The following HIPK2 variants were observed in gnomAD, a reference collection of about 807,000 sequenced individuals.
HIPK2 encodes the protein homeodomain interacting protein kinase 2.
In HIPK2, 27 loss-of-function variants were observed where a neutral mutation model predicts 113.7. The ratio of observed to expected loss-of-function variants is 0.24; its 90% CI spans 0.17 to 0.33. The LOEUF is 0.33. HIPK2 is among the 10% of genes least tolerant of loss of function. The pLI is 1.00. For synonymous variants in HIPK2, 631 were observed against 642.2 expected (o/e 0.98, Z 0.26); for missense variants, 1,257 against 1,588.0 (o/e 0.79, Z 3.54).
chr7:139,689,813 A>G (rs1312405414), intron 2 of HIPK2, among the ~76,000 whole-genome samples: 1 of 152,168 alleles, frequency 6.6e-6, no homozygotes, highest in Non-Finnish European at 1.5e-5. Context: ...TAACTCCAAA[A>G]TGAGAAAAAG....
chr7:139,669,213 A>G (rs1447750464), intron 2 of HIPK2, among the ~76,000 whole-genome samples: 1 of 152,186 alleles, frequency 6.6e-6, no homozygotes. Context: ...ACCACTATCA[A>G]TCCCCTTGGC....
intron 2 of HIPK2, among the ~76,000 whole-genome samples, chr7:139,681,889 G>C (rs1032024976): frequency 1.3e-5 from 2 of 152,178 alleles, no homozygotes; most frequent in African/African-American, 4.8e-5. Context: ...CCTGGTTCTA[G>C]GACAGCATCT....
At position 139,631,146 on chromosome 7, in the gene HIPK2, G is replaced by C. The variant is rs1585301346; in HGVS notation, c.1347+19C>G. ...AAGCGCTGGGCCACTGTGAGGAGTG[G>C]AGGAGACGCTCTTCCTACCTTCAGT... is the stretch of plus-strand genomic sequence containing the variant. On this transcript the variant is annotated intron_variant, in intron 4 of 14. Transcript: ENST00000406875. The surrounding 1 kb of genome is among the most constrained non-coding windows in gnomAD (Gnocchi z 4.9). 2 of 1,601,350 alleles carry C rather than the reference G, an allele frequency of 1.2e-6. No individual in the cohort carries two copies. The highest frequency in any genetic ancestry group is 1.7e-6 in the Non-Finnish European group (2 of 1,173,640).
Position 139,620,394 on chromosome 7 carries a change from C to G in HIPK2, c.1782+7G>C, listed in dbSNP as rs777564699. The G allele has an allele frequency of 3.1e-6, 5 of 1,613,914 alleles. No homozygotes were observed. The highest frequency in any genetic ancestry group is 4.2e-6 in the Non-Finnish European group (5 of 1,179,838). On this transcript the variant is annotated splice_region_variant and intron_variant, in intron 7 of 14. Transcript: ENST00000406875. ...CCGCCTCTCCTTCCCTTCTGTTTCC[C>G]ACTTACCTGGTTGTGGACAGTGGTC... is the stretch of plus-strand genomic sequence containing the variant.
chr7:139,758,212 C>T (rs1316053455), intron 1 of HIPK2, among the ~76,000 whole-genome samples: 1 of 152,026 alleles, frequency 6.6e-6, no homozygotes, highest in African/African-American at 2.4e-5. Context: ...AGGGGAAGAG[C>T]AACGAGGGAG....
chr7:139,707,771 A>C (rs1585402647), intron 2 of HIPK2, among the ~76,000 whole-genome samples: 1 of 152,334 alleles, frequency 6.6e-6, no homozygotes, highest in Non-Finnish European at 1.5e-5. Context: ...ACAGCTCCAA[A>C]CCCAGCTGTG....
At chr7:139,755,223 C>G (rs1796344052) in intron 1 of HIPK2, among the ~76,000 whole-genome samples, 1 of 152,156 alleles carries the variant, frequency 6.6e-6, no homozygotes, top group South Asian at 2.1e-4. Context: ...TGCTCTTTTT[C>G]CCATGGACAC....
chr7:139,586,701 G>A (rs1320509148), intron 12 of HIPK2, among the ~76,000 whole-genome samples: 1 of 151,850 alleles, frequency 6.6e-6, no homozygotes, highest in African/African-American at 2.4e-5. Context: ...TGAGGCTGCA[G>A]TGAGCTATGA....
chr7:139,690,564 G>A (rs1313249349), intron 2 of HIPK2, among the ~76,000 whole-genome samples: 1 of 152,120 alleles, frequency 6.6e-6, no homozygotes, highest in African/African-American at 2.4e-5. Context: ...CCAGCACTTT[G>A]GGGTGGGGGG....
chr7:139,644,493 C>G (rs930425645), intron 2 of HIPK2, among the ~76,000 whole-genome samples: 29 of 152,226 alleles, frequency 1.9e-4, no homozygotes, highest in Admixed American at 1.8e-3. Context: ...CCCAGGTGAG[C>G]GCAAAGGCCA....
chr7:139,709,673 G>A (rs571298130), intron 2 of HIPK2, among the ~76,000 whole-genome samples: 2 of 152,234 alleles, frequency 1.3e-5, no homozygotes, highest in African/African-American at 4.8e-5. Context: ...GGAGGAGTGT[G>A]GACAGTCACA....
chr7:139,606,724 G>A (rs1799629561), intron 9 of HIPK2, among the ~76,000 whole-genome samples: 1 of 152,186 alleles, frequency 6.6e-6, no homozygotes, highest in African/African-American at 2.4e-5. Context: ...GACATTTAAG[G>A]ATCAGGGGAT....
intron 2 of HIPK2, among the ~76,000 whole-genome samples, chr7:139,678,772 A>AT (rs1192480138): frequency 1.3e-5 from 2 of 152,110 alleles, no homozygotes; most frequent in African/African-American, 4.8e-5. Context: ...TTTTTACAAT[A>AT]TTTATTCTTC....
At chr7:139,641,941 T>C (rs151090363) in intron 2 of HIPK2, among the ~76,000 whole-genome samples, 1 of 152,202 alleles carries the variant, frequency 6.6e-6, no homozygotes, top group Non-Finnish European at 1.5e-5. Flanking sequence ...TCACCATCTA[T>C]AAAATGTGAT....
At chr7:139,699,728 C>G (rs1010044688) in intron 2 of HIPK2, among the ~76,000 whole-genome samples, 1 of 152,240 alleles carries the variant, frequency 6.6e-6, no homozygotes, top group Non-Finnish European at 1.5e-5. Context: ...GCTGGCATGG[C>G]TGTCACCTGC....
chr7:139,620,328 A>G, intron 7 of HIPK2, 73 bp downstream of exon 7: 6 of 1,566,482 alleles, frequency 3.8e-6, no homozygotes, highest in Non-Finnish European at 5.2e-6. Flanking sequence ...CTGACTAGGT[A>G]TGATGGAAAA....
In HIPK2 at chr7:139,596,995, A is replaced by G. The variant is rs1799242298; in HGVS notation, c.2439T>C (p.Asn813=). The G allele has an allele frequency of 2.5e-6, 4 of 1,588,468 alleles. No individual in the cohort carries two copies. The highest frequency in any genetic ancestry group is 3.4e-6 in the Non-Finnish European group (4 of 1,160,004). Residue 813 remains asparagine (N), a synonymous_variant, in exon 12 of 15, where the codon AAT becomes AAC. Transcript: ENST00000406875. ...AGGAGGACACCTCACAGGTGGAGAC[A>G]TTTCTGTAATGAGAAAACCACACTC... ...KSKQHQSSVR[N]VSTCEVSSSQ...
intron 1 of HIPK2, among the ~76,000 whole-genome samples, chr7:139,748,020 C>A (rs1214311681): frequency 6.6e-6 from 1 of 151,966 alleles, no homozygotes; most frequent in Non-Finnish European, 1.5e-5. Flanking sequence ...TTTAAACTTG[C>A]AGGTGGCCAA....
At chr7:139,632,013 C>T (rs1454070711) in intron 2 of HIPK2, among the ~76,000 whole-genome samples, 1 of 152,210 alleles carries the variant, frequency 6.6e-6, no homozygotes, top group East Asian at 1.9e-4. Context: ...CTTCACACGC[C>T]AATCAGATGA....
Sources: allele counts gnomAD v4.1 joint callset (sites outside exome capture counted in the v4.1 genomes callset), GRCh38; gene constraint gnomAD v4.1.1; non-coding constraint Gnocchi (gnomAD v3.1); transcripts MANE v1.5; gene names NCBI Gene and HGNC (gene_info 2026-07-23, HGNC 2026-07-21).